PCNX2: variants seen among roughly 807,000 people sequenced by gnomAD.
PCNX2 encodes pecanex-like protein 2.
PCNX2 carries 168 observed loss-of-function variants against 223.8 expected under a neutral mutation model. The observed-to-expected ratio is 0.75, with a 90% CI of 0.66 to 0.85. The LOEUF is 0.85. Among genes scored for constraint, PCNX2 ranks in the 40% least tolerant of loss-of-function variants. The probability of loss-of-function intolerance (pLI) is 0.00; values close to 1 mark genes in which losing one functional copy is unlikely to be tolerated. For synonymous variants in PCNX2, 1,006 were observed against 1,052.6 expected, an observed-to-expected ratio of 0.96 and a Z score of 0.86; for missense variants, 2,507 against 2,675.5, an observed-to-expected ratio of 0.94 and a Z score of 1.39.
intron 2 of PCNX2, among the ~76,000 whole-genome samples, 158 bp downstream of exon 2, chr1:233,262,800 A>T (rs1660126896): frequency 6.6e-6 from 1 of 152,258 alleles, no homozygotes; most frequent in South Asian, 2.1e-4. Flanking sequence ...TTGATTATGA[A>T]TATCAATTTT....
At chr1:233,124,698 C>T (rs976342066) in intron 21 of PCNX2, among the ~76,000 whole-genome samples, 21 of 152,206 alleles carry the variant, frequency 1.4e-4, no homozygotes, top group South Asian at 2.1e-4. Flanking sequence ...AAAGTGTCAA[C>T]GCTTGCATTT....
chr1:233,268,652 C>T lies in PCNX2; in HGVS notation c.154-5489G>A, dbSNP rs188295962. Among the ~76,000 whole-genome samples, 357 of 152,322 alleles carry T rather than the reference C, an allele frequency of 2.3e-3. 1 individual carries two copies. Among genetic ancestry groups the T allele is most frequent in the African/African-American group, 7.5e-3 (311 of 41,586 alleles). On this transcript the variant is annotated intron_variant, in intron 1 of 33. Transcript: ENST00000258229. ...CTACCTAGCAACTTCAATGACCTGACTGAGAACCAGAGACTCAGGAGAAAG... is the reference window on the plus strand; with the variant it reads ...CTACCTAGCAACTTCAATGACCTGATTGAGAACCAGAGACTCAGGAGAAAG...
intron 13 of PCNX2, among the ~76,000 whole-genome samples, chr1:233,203,263 C>A (rs187056703): frequency 5.9e-5 from 9 of 152,154 alleles, no homozygotes; most frequent in African/African-American, 2.2e-4. Flanking sequence ...AATCAGACAC[C>A]TTTTGGCTTT....
At chr1:233,261,398 C>G (rs368776144) in intron 3 of PCNX2, 77 bp from the exon 4 acceptor site, 1 of 1,332,548 alleles carries the variant, frequency 7.5e-7, no homozygotes. Flanking sequence ...CAATAACTGA[C>G]AGCAGTCACT....
chr1:233,197,005 A>G (rs1487394919), intron 15 of PCNX2, among the ~76,000 whole-genome samples: 1 of 152,160 alleles, frequency 6.6e-6, no homozygotes, highest in Non-Finnish European at 1.5e-5. Context: ...CTAACTGTAC[A>G]CTTGAAATTA....
chr1:233,183,588 G>A (rs1325572847), intron 15 of PCNX2, among the ~76,000 whole-genome samples: 3 of 152,156 alleles, frequency 2.0e-5, no homozygotes, highest in Non-Finnish European at 4.4e-5. Context: ...AGTACCCCCA[G>A]CAACAGGAAA....
chr1:233,218,208 G>T, intron 10 of PCNX2, 24 bp from the exon 11 acceptor site: 11 of 150,488 alleles, frequency 7.3e-5, no homozygotes, highest in South Asian at 4.7e-4. Flanking sequence ...ATACATAAAA[G>T]CAAAAAAAAA....
At chr1:233,045,899 GC>G (rs1489489487) in intron 25 of PCNX2, among the ~76,000 whole-genome samples, 1 of 152,210 alleles carries the variant, frequency 6.6e-6, no homozygotes, top group Non-Finnish European at 1.5e-5. Context: ...TTTAGACTTG[GC>G]CCTTGTCCAA....
chr1:233,030,242 A>G (rs1420217747), intron 25 of PCNX2, among the ~76,000 whole-genome samples: 1 of 151,776 alleles, frequency 6.6e-6, no homozygotes, highest in Non-Finnish European at 1.5e-5. Flanking sequence ...CAGACATTGT[A>G]TTTTTTTCAG....
chr1:233,178,978 G>T, intron 16 of PCNX2, 88 bp downstream of exon 16: 2 of 1,141,686 alleles, frequency 1.8e-6, no homozygotes, highest in Non-Finnish European at 2.5e-6. Flanking sequence ...GCAGTGAATT[G>T]CTGTCTGCCC....
intron 21 of PCNX2, among the ~76,000 whole-genome samples, chr1:233,106,251 G>A (rs1402485317): frequency 6.6e-6 from 1 of 151,786 alleles, no homozygotes; most frequent in Non-Finnish European, 1.5e-5. Flanking sequence ...ATATGAAACA[G>A]CTTCTCCATC....
chr1:233,272,077 T>C (rs536383476), intron 1 of PCNX2, among the ~76,000 whole-genome samples: 3 of 152,174 alleles, frequency 2.0e-5, no homozygotes, highest in Non-Finnish European at 2.9e-5. Flanking sequence ...AGACACTGGC[T>C]TATGCAAAGA....
chr1:233,006,261 G>A (rs1670281819), intron 28 of PCNX2, among the ~76,000 whole-genome samples: 1 of 152,172 alleles, frequency 6.6e-6, no homozygotes, highest in South Asian at 2.1e-4. Context: ...AAGCTGGAGT[G>A]TACTGCGTAG....
At chr1:233,227,446 A>G in intron 9 of PCNX2, 75 bp from the exon 10 acceptor site, 1 of 1,197,912 alleles carries the variant, frequency 8.3e-7, no homozygotes. Context: ...ATATATATAT[A>G]TGTATACACA....
At position 233,076,824 on chromosome 1, in the gene PCNX2, T is replaced by C. The variant is rs375102947; in HGVS notation, c.4076+13237A>G. Among the ~76,000 whole-genome samples, 7 of 152,314 alleles carry C rather than the reference T, an allele frequency of 4.6e-5. No individual in the cohort carries two copies. The South Asian group carries it at 1.2e-3, about 27-fold the overall frequency. Reference sequence around the variant, plus strand: ...TGCATTTTTATGATATGGTACCCCATGTAAAATAATTTGGCTTGGAAACAC... The same window carrying C: ...TGCATTTTTATGATATGGTACCCCACGTAAAATAATTTGGCTTGGAAACAC... On this transcript the variant is annotated intron_variant, in intron 23 of 33. Coordinates refer to ENST00000258229, the MANE Select transcript of PCNX2 (RefSeq NM_014801.4).
chr1:233,060,949 G>C (rs192866704), intron 23 of PCNX2, among the ~76,000 whole-genome samples: 4 of 152,152 alleles, frequency 2.6e-5, no homozygotes, highest in Non-Finnish European at 4.4e-5. Flanking sequence ...CTTCAAACTT[G>C]GCCTTTCCAC....
At chr1:233,255,473 T>C (rs772389021) in intron 5 of PCNX2, among the ~76,000 whole-genome samples, 21 of 152,382 alleles carry the variant, frequency 1.4e-4, no homozygotes, top group Non-Finnish European at 2.9e-4. Context: ...AAGCAAGCTC[T>C]GAATAAATAG....
intron 23 of PCNX2, among the ~76,000 whole-genome samples, chr1:233,076,731 A>G (rs1462031531): frequency 6.6e-6 from 1 of 152,220 alleles, no homozygotes; most frequent in Non-Finnish European, 1.5e-5. Flanking sequence ...ACCTTGTCAA[A>G]TCATTTACAC....
intron 8 of PCNX2, among the ~76,000 whole-genome samples, chr1:233,243,648 T>G (rs1431018608): frequency 6.6e-6 from 1 of 152,114 alleles, no homozygotes; most frequent in African/African-American, 2.4e-5. Flanking sequence ...TTATATAAAA[T>G]CAGATATTTT....
Sources: allele counts gnomAD v4.1 joint callset (sites outside exome capture counted in the v4.1 genomes callset), GRCh38; gene constraint gnomAD v4.1.1; transcripts MANE v1.5; gene names NCBI Gene and HGNC (gene_info 2026-07-23, HGNC 2026-07-21).